Variants in ADAMTS2 observed in about 807,000 individuals in gnomAD.
ADAMTS2 encodes A disintegrin and metalloproteinase with thrombospondin motifs 2.
ADAMTS2 carries 50 observed loss-of-function variants against 123.0 expected under a neutral mutation model. The observed-to-expected ratio is 0.41, with a 90% CI of 0.32 to 0.51. The LOEUF (loss-of-function observed/expected upper bound fraction) is 0.51, where lower values mean the gene tolerates loss of function less well. Among genes scored for constraint, ADAMTS2 ranks in the 20% least tolerant of loss-of-function variants. The pLI, the probability that ADAMTS2 is intolerant of heterozygous loss-of-function variation, is 0.35. For synonymous variants in ADAMTS2, 678 were observed against 695.4 expected (o/e 0.98, Z 0.39); for missense variants, 1,494 against 1,705.2 (o/e 0.88, Z 2.18).
chr5:179,124,065 C>A (rs770458669), intron 19 of ADAMTS2, among the ~76,000 whole-genome samples: 2 of 152,196 alleles, frequency 1.3e-5, no homozygotes, highest in Non-Finnish European at 2.9e-5. Context: ...CGGGAGCCTG[C>A]GCCTGGATTC....
chr5:179,140,968 T>A (rs1176968906), intron 10 of ADAMTS2, among the ~76,000 whole-genome samples: 12 of 143,870 alleles, frequency 8.3e-5, no homozygotes, highest in Admixed American at 8.2e-4. Context: ...CCCAGCTAAT[T>A]TTTGCATTTT....
At chr5:179,290,966 C>T (rs1756168200) in intron 2 of ADAMTS2, among the ~76,000 whole-genome samples, 1 of 152,236 alleles carries the variant, frequency 6.6e-6, no homozygotes, top group South Asian at 2.1e-4. Flanking sequence ...CCCTTCAGGG[C>T]ACTCTCCAAC....
chr5:179,137,727 C>T, intron 12 of ADAMTS2, 42 bp downstream of exon 12: 2 of 1,533,996 alleles, frequency 1.3e-6, no homozygotes, highest in Non-Finnish European at 1.7e-6. Flanking sequence ...ACCCTAGGGC[C>T]TGCCTGCTGA....
At chr5:179,289,891 C>T (rs1000110969) in intron 2 of ADAMTS2, among the ~76,000 whole-genome samples, 1 of 152,224 alleles carries the variant, frequency 6.6e-6, no homozygotes, top group Non-Finnish European at 1.5e-5. Context: ...GTCTACAAAA[C>T]AGCTGACCAG....
At chr5:179,226,276 CTTT>C (rs112956370) in intron 3 of ADAMTS2, among the ~76,000 whole-genome samples, 2 of 132,252 alleles carry the variant, frequency 1.5e-5, no homozygotes, top group African/African-American at 5.6e-5. Flanking sequence ...TTCCTTCTTT[CTTT>C]TTTTTTTTTG....
rs1267984075 is a variant in ADAMTS2, at chr5:179,180,019, C to G, written c.975+1053G>C. On this transcript the variant is annotated intron_variant, in intron 5 of 21. Transcript: ENST00000251582. The surrounding 1 kb of genome is among the most constrained non-coding windows in gnomAD (Gnocchi z 4.6). ...CTCCTCGGGTGCTGGATGGCCCTGG[C>G]TGCTTACCTGGGCATGTCACTAAGT... Among the ~76,000 whole-genome samples, 3 of 152,184 alleles carry G rather than the reference C, an allele frequency of 2.0e-5. No homozygotes were observed. Among genetic ancestry groups the G allele is most frequent in the African/African-American group, 7.2e-5 (3 of 41,422 alleles).
chr5:179,289,154 G>C (rs1402136380), intron 2 of ADAMTS2, among the ~76,000 whole-genome samples: 1 of 152,110 alleles, frequency 6.6e-6, no homozygotes, highest in Non-Finnish European at 1.5e-5. Flanking sequence ...TCCCTGCTCA[G>C]AGACGGCCTG....
At chr5:179,341,729 A>AAAGAAAG (rs61470569) in intron 2 of ADAMTS2, among the ~76,000 whole-genome samples, 1 of 144,062 alleles carries the variant, frequency 6.9e-6, no homozygotes. Context: ...AAAAAAAAAA[A>AAAGAAAG]AAAGAAAACA....
At chr5:179,153,407 T>C in intron 9 of ADAMTS2, 84 bp downstream of exon 9, 1 of 1,588,162 alleles carries the variant, frequency 6.3e-7, no homozygotes, top group South Asian at 1.1e-5. Context: ...GGGCCGGTCC[T>C]CACACTGTCC....
chr5:179,187,604 C>T (rs962571505), intron 4 of ADAMTS2, among the ~76,000 whole-genome samples: 1 of 152,178 alleles, frequency 6.6e-6, no homozygotes, highest in African/African-American at 2.4e-5. Flanking sequence ...TCCCCTCCCC[C>T]CAGCAGCCCT....
At chr5:179,239,075 G>T (rs935683075) in intron 3 of ADAMTS2, among the ~76,000 whole-genome samples, 3 of 152,180 alleles carry the variant, frequency 2.0e-5, no homozygotes, top group Non-Finnish European at 2.9e-5. Flanking sequence ...CACTTTAAAT[G>T]GGTGACCTGT....
chr5:179,341,004 C>T (rs78396092), intron 2 of ADAMTS2, among the ~76,000 whole-genome samples: 3 of 152,156 alleles, frequency 2.0e-5, no homozygotes, highest in Non-Finnish European at 2.9e-5. Flanking sequence ...AATAACCCCT[C>T]GCTGTGGATA....
intron 2 of ADAMTS2, among the ~76,000 whole-genome samples, chr5:179,297,226 A>G (rs1756364738): frequency 6.6e-6 from 1 of 152,158 alleles, no homozygotes; most frequent in South Asian, 2.1e-4. Flanking sequence ...GACTCGGGAA[A>G]TGGGCCGGAT....
At chr5:179,168,950 C>T (rs1272810109) in intron 5 of ADAMTS2, among the ~76,000 whole-genome samples, 1 of 152,222 alleles carries the variant, frequency 6.6e-6, no homozygotes, top group East Asian at 1.9e-4. Flanking sequence ...CAGCCATCTT[C>T]CCCAAAGCCT....
At chr5:179,265,497 C>A (rs1281999424) in intron 3 of ADAMTS2, among the ~76,000 whole-genome samples, 2 of 152,162 alleles carry the variant, frequency 1.3e-5, no homozygotes, top group African/African-American at 4.8e-5. Context: ...GGGGCCCAGC[C>A]CTCGCTGGGG....
chr5:179,267,114 GC>G (rs1227225427), intron 3 of ADAMTS2, among the ~76,000 whole-genome samples: 1 of 152,040 alleles, frequency 6.6e-6, no homozygotes, highest in Non-Finnish European at 1.5e-5. Flanking sequence ...CCTGAGGTCC[GC>G]CCCCACCCCC....
chr5:179,275,231 G>T (rs953072073), intron 2 of ADAMTS2, among the ~76,000 whole-genome samples: 16 of 152,280 alleles, frequency 1.1e-4, no homozygotes, highest in African/African-American at 3.6e-4. Flanking sequence ...CTGGGGAGAA[G>T]GTGTTACAGG....
intron 2 of ADAMTS2, among the ~76,000 whole-genome samples, chr5:179,302,781 G>A (rs1756567835): frequency 1.3e-5 from 2 of 151,980 alleles, no homozygotes; most frequent in South Asian, 4.1e-4. Context: ...CTAAATGATT[G>A]GAAAGAGGCA....
rs149328836 is a variant in ADAMTS2 at position 179,145,153 on chromosome 5, G to A, written c.1630-5118C>T. 8.8e-3 allele frequency among the ~76,000 whole-genome samples: 1,337 copies of A among 152,250 alleles called. 11 individuals are homozygous for A. Among genetic ancestry groups the A allele is most frequent in the Non-Finnish European group, 0.014 (930 of 68,018 alleles). On this transcript the variant is annotated intron_variant, in intron 10 of 21. Transcript: ENST00000251582. ...AGCACATGAAAAGACGGTCATCATA[G>A]GTCACTAGGGAAATACAAATCAAAA...
Sources: gnomAD v4.1 joint callset for allele counts (sites outside exome capture counted in the v4.1 genomes callset) on GRCh38, gnomAD v4.1.1 for gene constraint, Gnocchi (gnomAD v3.1) non-coding constraint, MANE v1.5 for transcripts, NCBI Gene and HGNC (gene_info 2026-07-23, HGNC 2026-07-21) for gene names.